Variants in EXOSC10 observed in about 807,000 individuals in gnomAD.
EXOSC10 encodes exosome complex component 10.
A neutral mutation model predicts 126.6 loss-of-function variants in EXOSC10; 94 were observed. The ratio of observed to expected loss-of-function variants is 0.74; its 90% CI spans 0.63 to 0.88. EXOSC10 has a LOEUF of 0.88. Among genes scored for constraint, EXOSC10 ranks in the 40% least tolerant of loss-of-function variants. EXOSC10 has a pLI of 0.00. For missense variants in EXOSC10, 1,041 were observed against 1,100.5 expected (o/e 0.95, Z 0.77); for synonymous variants, 395 against 400.8 (o/e 0.99, Z 0.17).
chr1:11,099,176 T>C (rs577769732), intron 1 of EXOSC10, among the ~76,000 whole-genome samples: 3 of 152,376 alleles, frequency 2.0e-5, no homozygotes, highest in Non-Finnish European at 2.9e-5. Flanking sequence ...ATATTTAAGC[T>C]AAGTTATACA....
chr1:11,096,241 C>G (rs1641078853), intron 2 of EXOSC10, among the ~76,000 whole-genome samples: 1 of 152,114 alleles, frequency 6.6e-6, no homozygotes, highest in Non-Finnish European at 1.5e-5. Flanking sequence ...GCCTCCGACT[C>G]CCGGATTCAA....
intron 8 of EXOSC10, 75 bp from the exon 9 acceptor site, chr1:11,087,666 G>A (rs2100210780): frequency 6.4e-7 from 1 of 1,565,454 alleles, no homozygotes; most frequent in Non-Finnish European, 8.7e-7. Flanking sequence ...ATTTTGAAAA[G>A]TCAGCTACAA....
chr1:11,067,607 A>G (rs886208751), intron 24 of EXOSC10, among the ~76,000 whole-genome samples: 1 of 152,156 alleles, frequency 6.6e-6, no homozygotes, highest in Non-Finnish European at 1.5e-5. Flanking sequence ...CTCACAAAAC[A>G]AAACCAAACC....
At chr1:11,084,404 T>C (rs1640370785) in intron 9 of EXOSC10, among the ~76,000 whole-genome samples, 1 of 152,226 alleles carries the variant, frequency 6.6e-6, no homozygotes, top group Admixed American at 6.5e-5. Flanking sequence ...CTTCATGTGT[T>C]TTTTGGCTGC....
At chr1:11,088,342 TA>T in intron 6 of EXOSC10, 144 bp from the exon 7 acceptor site, 1 of 585,904 alleles carries the variant, frequency 1.7e-6, no homozygotes, top group South Asian at 2.2e-5. Flanking sequence ...CTTATTTCAG[TA>T]ATTCAACTAC....
In EXOSC10 at chr1:11,072,077, T is replaced by C. The variant is rs1338257782; in HGVS notation, c.2242+10A>G. On this transcript the variant is annotated intron_variant, in intron 20 of 24. Transcript: ENST00000376936. ...AACAGCCGACTGAGTTGCAAGGAAG[T>C]GAGTGTTACCTGTTTGCTCAGCTGC... 6.2e-7 allele frequency: 1 copy of C among 1,607,638 alleles called. No individual in the cohort carries two copies. Among genetic ancestry groups the C allele is most frequent in the South Asian group, 1.1e-5 (1 of 90,148 alleles).
rs533212430 is a variant in EXOSC10 at position 11,089,222 on chromosome 1, T to TAAAAAAAAAA, written c.759-1034_759-1025dup. Among the ~76,000 whole-genome samples the TAAAAAAAAAA allele has an allele frequency of 3.0e-3, 150 of 49,744 alleles. 1 individual carries two copies. The highest frequency in any genetic ancestry group is 8.3e-3 in the African/African-American group (143 of 17,196). The allele number at this position is 49,744 out of a possible 152,430, so 32.6% of individuals were successfully genotyped here. A position where few individuals can be genotyped will look rare whatever the true frequency, so the allele number is the denominator to read the frequency against. ...CCCAGCCTGGGTGACAGAGCAAAACTAAAAAAAAAAAAAAAAAAAAAAGTG... is the reference window on the plus strand; with the variant it reads ...CCCAGCCTGGGTGACAGAGCAAAACTAAAAAAAAAAAAAAAAAAAAAAAAAAAAAAAAGTG... On this transcript the variant is annotated intron_variant, in intron 6 of 24. Transcript: ENST00000376936.
At position 11,091,404 on chromosome 1, in the gene EXOSC10, A is replaced by C; in HGVS notation, c.477+89T>G. The C allele has an allele frequency of 1.7e-6, 2 of 1,161,224 alleles. 1 individual carries two copies. Among genetic ancestry groups the C allele is most frequent in the South Asian group, 2.9e-5 (2 of 69,430 alleles). 71.9% of individuals were successfully genotyped at this position (1,161,224 alleles called of 1,614,324 possible). A position where few individuals can be genotyped will look rare whatever the true frequency, so the allele number is the denominator to read the frequency against. On this transcript the variant is annotated intron_variant, in intron 4 of 24. Coordinates refer to ENST00000376936, the MANE Select transcript of EXOSC10 (RefSeq NM_001001998.3). ...AGGAGACAGTGGCCAGTTCTCTAAT[A>C]AATTAGAACAGAAATGCATGTTAGA...
At chr1:11,090,520 C>CA in intron 6 of EXOSC10, 34 bp downstream of exon 6, 3 of 1,549,188 alleles carry the variant, frequency 1.9e-6, no homozygotes, top group Non-Finnish European at 2.7e-6. Flanking sequence ...GGTAAGTACT[C>CA]ACGGCAGAAA....
At position 11,077,642 on chromosome 1, in the gene EXOSC10, C is replaced by T. The variant is rs933535103; in HGVS notation, c.1759G>A (p.Ala587Thr). The T allele has an allele frequency of 1.2e-6, 2 of 1,608,136 alleles. No homozygotes were observed. The highest frequency in any genetic ancestry group is 1.7e-5 in the Admixed American group (1 of 59,868). ...REMPLLKSEVAAGVKKSGPLP... is the reference protein window; with the variant it reads ...REMPLLKSEVTAGVKKSGPLP... Reference sequence around the variant, plus strand: ...GGTCCGCTCTTCTTCACTCCGGCTGCAACTTCAGACTAAGGAAAAAAACGA... The same window carrying T: ...GGTCCGCTCTTCTTCACTCCGGCTGTAACTTCAGACTAAGGAAAAAAACGA... Residue 587 changes from alanine to threonine, a missense_variant, in exon 15 of 25, where the codon GCA becomes ACA. Coordinates refer to ENST00000376936, the MANE Select transcript of EXOSC10 (RefSeq NM_001001998.3).
chr1:11,083,029 C>A (rs1056705674), intron 9 of EXOSC10, 151 bp from the exon 10 acceptor site: 8 of 650,456 alleles, frequency 1.2e-5, no homozygotes, highest in African/African-American at 1.8e-5. Context: ...TGGCTCACTG[C>A]AACTTCCGCC....
chr1:11,066,718 C>G lies in EXOSC10; in HGVS notation c.2658G>C (p.Ter886TyrextTer25). 1 of 1,614,244 alleles carries G rather than the reference C, an allele frequency of 6.2e-7. No individual in the cohort carries two copies. The highest frequency in any genetic ancestry group is 8.5e-7 in the Non-Finnish European group (1 of 1,180,030). The part of the protein sequence containing the change: ...RGFRYNWPQR[*>Y] The stretch of plus-strand genomic sequence containing the variant: ...CACAGGCGCCACGTGTCTTCCAGGA[C>G]TATCTCTGTGGCCAGTTGTACCTGA... The change falls in exon 25 of 25, where the codon TAG (stop) becomes TAC (tyrosine). Residue 886 changes from the stop codon to tyrosine (Y), a stop_lost. Transcript: ENST00000376936.
At chr1:11,090,211 T>C (rs547622978) in intron 6 of EXOSC10, among the ~76,000 whole-genome samples, 1 of 152,280 alleles carries the variant, frequency 6.6e-6, no homozygotes, top group African/African-American at 2.4e-5. Flanking sequence ...TTGGCCAGGC[T>C]GGTCTCGAAC....
chr1:11,097,810 G>A lies in EXOSC10; in HGVS notation c.248+210C>T, dbSNP rs191461873. ...GTACAAAAGTCAATATATTTTTTCAGTACAAAAGTCAATACATTTTTTAAA... is the reference window on the plus strand; with the variant it reads ...GTACAAAAGTCAATATATTTTTTCAATACAAAAGTCAATACATTTTTTAAA... On this transcript the variant is annotated intron_variant, in intron 2 of 24. Coordinates refer to ENST00000376936, the MANE Select transcript of EXOSC10 (RefSeq NM_001001998.3). 4.6e-5 allele frequency among the ~76,000 whole-genome samples: 7 copies of A among 151,846 alleles called. No individual in the cohort carries two copies. In the East Asian group the frequency reaches 9.6e-4, roughly 21 times the overall value.
intron 16 of EXOSC10, 25 bp downstream of exon 16, chr1:11,077,340 C>T (rs1639875811): frequency 1.3e-6 from 2 of 1,599,218 alleles, no homozygotes; most frequent in African/African-American, 1.3e-5. Context: ...CTCTTCGGGA[C>T]AGTCAGGAGG....
In EXOSC10 at chr1:11,078,425, T is replaced by G. The variant is rs1001587721; in HGVS notation, c.1750-774A>C. ...GGCGCCCGCCACTACGCCTGGCTAA[T>G]TTTTTGTATTTTTAGTAGAGACGGG... is the stretch of plus-strand genomic sequence containing the variant. On this transcript the variant is annotated intron_variant, in intron 14 of 24. Coordinates refer to ENST00000376936, the MANE Select transcript of EXOSC10 (RefSeq NM_001001998.3). 1.2e-4 allele frequency among the ~76,000 whole-genome samples: 18 copies of G among 151,932 alleles called. No individual in the cohort carries two copies. In the South Asian group the frequency reaches 2.9e-3, roughly 25 times the overall value.
At chr1:11,067,216 G>A (rs886155402) in intron 24 of EXOSC10, among the ~76,000 whole-genome samples, 1 of 152,174 alleles carries the variant, frequency 6.6e-6, no homozygotes, top group Non-Finnish European at 1.5e-5. Context: ...CGGATCACAA[G>A]GTCAGGAGAT....
chr1:11,081,332 T>A, intron 10 of EXOSC10, 94 bp from the exon 11 acceptor site: 1 of 1,380,214 alleles, frequency 7.2e-7, no homozygotes, highest in Non-Finnish European at 1.0e-6. Flanking sequence ...CTTAGACCCT[T>A]CCAATATGAA....
chr1:11,088,542 A>G (rs1030375834), intron 6 of EXOSC10, among the ~76,000 whole-genome samples: 1 of 152,258 alleles, frequency 6.6e-6, no homozygotes, highest in Non-Finnish European at 1.5e-5. Flanking sequence ...TGAAATAACA[A>G]ATCTGTAAAG....
Sources: gnomAD v4.1 joint callset for allele counts (sites outside exome capture counted in the v4.1 genomes callset) on GRCh38, gnomAD v4.1.1 for gene constraint, MANE v1.5 for transcripts, NCBI Gene and HGNC (gene_info 2026-07-23, HGNC 2026-07-21) for gene names.